The following CDC42BPG variants were observed in gnomAD, a reference collection of about 807,000 sequenced individuals.
CDC42BPG encodes the protein serine/threonine-protein kinase MRCK gamma.
A neutral mutation model predicts 192.2 loss-of-function variants in CDC42BPG; 157 were observed. The ratio of observed to expected loss-of-function variants is 0.82; its 90% CI spans 0.72 to 0.93. The LOEUF (loss-of-function observed/expected upper bound fraction) is 0.93, where lower values mean the gene tolerates loss of function less well. CDC42BPG is among the 40% of genes least tolerant of loss of function. CDC42BPG has a pLI of 0.00. For synonymous variants in CDC42BPG, 981 were observed against 918.5 expected (o/e 1.07, Z -1.23); for missense variants, 1,992 against 2,122.1 (o/e 0.94, Z 1.20).
chr11:64,841,625 A>T (rs1393688474), intron 3 of CDC42BPG, 25 bp downstream of exon 3: 1 of 1,590,972 alleles, frequency 6.3e-7, no homozygotes, highest in African/African-American at 1.4e-5. Flanking sequence ...AGGGTGCCCA[A>T]GGGCCCCCCA....
At position 64,824,227 on chromosome 11, in the gene CDC42BPG, C is replaced by A. The variant is rs1245159895; in HGVS notation, c.*246G>T. On this transcript the variant is annotated 3_prime_UTR_variant, in exon 37 of 37. Coordinates refer to ENST00000342711, the MANE Select transcript of CDC42BPG (RefSeq NM_017525.3). The stretch of plus-strand genomic sequence containing the variant: ...CCCCTGGACACCAGAACAAAAGGGG[C>A]CATTCTATTCCCAATGGCTTAGAAA... The A allele has an allele frequency of 6.9e-6, 4 of 579,834 alleles. 1 individual carries two copies. The Admixed American group carries it at 1.2e-4, about 17-fold the overall frequency. The allele number at this position is 579,834 out of a possible 1,614,324, so 35.9% of individuals were successfully genotyped here.
In CDC42BPG at chr11:64,823,565, CA is replaced by C. The variant is rs1039030356; in HGVS notation, c.*907del. The C allele has an allele frequency of 1.3e-5, 2 of 151,874 alleles. No homozygotes were observed. The highest frequency in any genetic ancestry group is 4.8e-5 in the African/African-American group (2 of 41,338). 9.4% of individuals were successfully genotyped at this position (151,874 alleles called of 1,614,324 possible). A position where few individuals can be genotyped will look rare whatever the true frequency, so the allele number is the denominator to read the frequency against. On this transcript the variant is annotated 3_prime_UTR_variant, in exon 37 of 37. Transcript: ENST00000342711. ...CAATAGTAAAATGCGCCCTAGTTTC[CA>C]ATACACAACTGGTTGAAGATTCGAG...
At chr11:64,832,567 A>T (rs761844925) in intron 26 of CDC42BPG, 37 bp downstream of exon 26, 5 of 1,613,776 alleles carry the variant, frequency 3.1e-6, no homozygotes, top group Non-Finnish European at 4.2e-6. Flanking sequence ...CCCCCTTACC[A>T]CTAGTCCCTT....
Position 64,835,538 on chromosome 11 carries a change from G to C in CDC42BPG, c.1842C>G (p.Ala614=). ...CCTGCTCCAGCTGCTCTCGCAGGGC[G>C]GCCACCTCCTTCCTCAGTTGGGCCT... The part of the protein sequence containing the change: ...PQEAQLRKEV[A]ALREQLEQAH... Residue 614 remains alanine, a synonymous_variant, in exon 15 of 37, where the codon GCC becomes GCG. Coordinates refer to ENST00000342711, the MANE Select transcript of CDC42BPG (RefSeq NM_017525.3). 1 of 1,593,448 alleles carries C rather than the reference G, an allele frequency of 6.3e-7. No individual in the cohort carries two copies. Among genetic ancestry groups the C allele is most frequent in the African/African-American group, 1.3e-5 (1 of 74,824 alleles).
rs751661902 is a variant in CDC42BPG, at chr11:64,830,057, C to A, written c.3381G>T (p.Val1127=). The A allele has an allele frequency of 9.9e-6, 16 of 1,612,648 alleles. No homozygotes were observed. Among genetic ancestry groups the A allele is most frequent in the South Asian group, 6.6e-5 (6 of 91,074 alleles). Residue 1127 remains valine (V), a synonymous_variant, in exon 30 of 37, where the codon GTG becomes GTT. Transcript: ENST00000342711. ...GCTGCTGCACGCGCCGGCACTCCCCCACCTGGAAGATGTCTGCAGGGTTGG... is the reference window on the plus strand; with the variant it reads ...GCTGCTGCACGCGCCGGCACTCCCCAACCTGGAAGATGTCTGCAGGGTTGG... ...IHLRSNDIFQ[V]GECRRVQQLT... is the part of the protein sequence containing the mutation.
At chr11:64,842,778 G>A (rs1235136727) in intron 1 of CDC42BPG, among the ~76,000 whole-genome samples, 1 of 152,190 alleles carries the variant, frequency 6.6e-6, no homozygotes, top group Non-Finnish European at 1.5e-5. Flanking sequence ...AAGGAATTGG[G>A]TCTTAGGGAG....
intron 18 of CDC42BPG, 104 bp downstream of exon 18, chr11:64,834,745 G>A (rs1417352197): frequency 3.0e-6 from 4 of 1,342,050 alleles, no homozygotes; most frequent in East Asian, 2.3e-5. Context: ...TCATGAGCTT[G>A]GTGTCCCCAC....
rs1245274721 is a variant in CDC42BPG, at chr11:64,834,299, G to A, written c.2380C>T (p.Leu794=). 1 of 1,579,852 alleles carries A rather than the reference G, an allele frequency of 6.3e-7. No individual in the cohort carries two copies. The change falls in exon 20 of 37, where the codon CTG becomes TTG. Residue 794 remains leucine (L), a synonymous_variant. Transcript: ENST00000342711. ...SQALQQELAM[L]REELRARGPV... is the part of the protein sequence containing the mutation. ...CCTCGGGCCCGCAGCTCCTCCCGCA[G>A]CATGGCGAGCTCCTGTTGCAGGGCC...
At position 64,832,434 on chromosome 11, in the gene CDC42BPG, G is replaced by A. The variant is rs372174582; in HGVS notation, c.3081C>T (p.Ile1027=). ...TCTCATCCCAGGCACTCACCCTAAAGATGCGTGGCAGGTCCCTGGATTGGG... is the reference window on the plus strand; with the variant it reads ...TCTCATCCCAGGCACTCACCCTAAAAATGCGTGGCAGGTCCCTGGATTGGG... ...IHAQSRDLPR[I]FRVTTSQLAV... Residue 1027 remains isoleucine, a synonymous_variant, in exon 27 of 37, where the codon ATC becomes ATT. Transcript: ENST00000342711. 3.1e-6 allele frequency: 5 copies of A among 1,613,762 alleles called. No individual in the cohort carries two copies. Among genetic ancestry groups the A allele is most frequent in the Non-Finnish European group, 4.2e-6 (5 of 1,179,906 alleles).
rs752393503 is a variant in CDC42BPG at position 64,834,985 on chromosome 11, G to C, written c.2061-22C>G. The stretch of plus-strand genomic sequence containing the variant: ...CACCCTGAATGGGAAGGGGCTCAGG[G>C]TCATGGGCTGGGCCCTCAGTCTCGC... On this transcript the variant is annotated intron_variant, in intron 17 of 36. Transcript: ENST00000342711. 3.1e-6 allele frequency: 5 copies of C among 1,613,140 alleles called. No homozygotes were observed. The African/African-American group carries it at 4.0e-5, about 13-fold the overall frequency.
intron 30 of CDC42BPG, 63 bp downstream of exon 30, chr11:64,829,408 C>T (rs1278667956): frequency 5.7e-6 from 9 of 1,567,140 alleles, no homozygotes; most frequent in Non-Finnish European, 7.7e-6. Context: ...TGAGGCGGGA[C>T]CCTGTCTTCA....
chr11:64,827,807 G>C lies in CDC42BPG; in HGVS notation c.3968-24C>G, dbSNP rs755342838. 1.1e-5 allele frequency: 17 copies of C among 1,573,220 alleles called. No homozygotes were observed. In the Admixed American group the frequency reaches 3.0e-4, roughly 28 times the overall value. On this transcript the variant is annotated intron_variant, in intron 30 of 36. Coordinates refer to ENST00000342711, the MANE Select transcript of CDC42BPG (RefSeq NM_017525.3). ...CCCTGCGGGCACGCCAGGCACCTCT[G>C]AGCTGTTTCCCCCTCTGTTCCACAG...
In CDC42BPG at chr11:64,836,924, T is replaced by C; in HGVS notation, c.1301A>G (p.Gln434Arg). 1.2e-6 allele frequency: 2 copies of C among 1,613,298 alleles called. No individual in the cohort carries two copies. The highest frequency in any genetic ancestry group is 1.7e-6 in the Non-Finnish European group (2 of 1,179,784). The change falls in exon 10 of 37, where the codon CAA becomes CGA. Residue 434 changes from glutamine (Q) to arginine (R), a missense_variant and splice_region_variant. Physicochemically the swap from Gln to Arg is conservative, Grantham distance 43. Coordinates refer to ENST00000342711, the MANE Select transcript of CDC42BPG (RefSeq NM_017525.3). ...QEKVELSRKH[Q>R]EALHAPTDHR... is the part of the protein sequence containing the mutation. ...CCCGGCCCAGCCGCTCCCAGTACCT[T>C]GGTGCTTCCTGCTCAGCTCCACCTT... is the stretch of plus-strand genomic sequence containing the variant.
intron 23 of CDC42BPG, 62 bp from the exon 24 acceptor site, chr11:64,833,398 G>C: frequency 9.6e-7 from 1 of 1,040,352 alleles, no homozygotes; most frequent in Non-Finnish European, 1.4e-6. Context: ...TCCCTGAGGG[G>C]TCAGGAAAGA....
intron 36 of CDC42BPG, 23 bp from the exon 37 acceptor site, chr11:64,824,552 T>C (rs772268146): frequency 1.9e-6 from 3 of 1,572,490 alleles, no homozygotes; most frequent in Non-Finnish European, 2.6e-6. Context: ...GAAAAGGAAG[T>C]CAAGGGGTAG....
chr11:64,840,300 G>T, intron 4 of CDC42BPG, 32 bp from the exon 5 acceptor site: 1 of 1,601,902 alleles, frequency 6.2e-7, no homozygotes. Context: ...CAGACCCGGG[G>T]GAAGGGTGCA....
chr11:64,842,636 G>GCCTC (rs1943329709), intron 1 of CDC42BPG, among the ~76,000 whole-genome samples: 1 of 152,196 alleles, frequency 6.6e-6, no homozygotes, highest in Admixed American at 6.5e-5. Flanking sequence ...TCCCAGCCCT[G>GCCTC]CCTCCCTGTC....
intron 28 of CDC42BPG, chr11:64,830,494 A>C: frequency 1.7e-6 from 1 of 592,236 alleles, no homozygotes. Context: ...CACCTCTCAG[A>C]GCCTTGGTTT....
chr11:64,834,724 ATCACTATCT>A (rs1942889805), intron 18 of CDC42BPG, 116 bp downstream of exon 18: 1 of 1,327,446 alleles, frequency 7.5e-7, no homozygotes, highest in African/African-American at 1.5e-5. Context: ...GCTCAGGGAA[ATCACTATCT>A]CTCATGAGCT....
Sources: gnomAD v4.1 joint callset for allele counts (sites outside exome capture counted in the v4.1 genomes callset) on GRCh38, gnomAD v4.1.1 for gene constraint, MANE v1.5 for transcripts, NCBI Gene and HGNC (gene_info 2026-07-23, HGNC 2026-07-21) for gene names.